FANCL: variants seen among roughly 807,000 people sequenced by gnomAD.
FANCL encodes FA complementation group L.
In FANCL, 69 loss-of-function variants were observed where a neutral mutation model predicts 59.4. That is an observed-to-expected ratio of 1.16 (90% CI 0.96 to 1.42). FANCL has a LOEUF of 1.42. Among genes scored for constraint, FANCL ranks in the 40% most tolerant of loss-of-function variants. The pLI, the probability that FANCL is intolerant of heterozygous loss-of-function variation, is 0.00. For synonymous variants in FANCL, 180 were observed against 147.1 expected (o/e 1.22, Z -1.62); for missense variants, 519 against 447.2 (o/e 1.16, Z -1.45).
intron 9 of FANCL, 57 bp from the exon 10 acceptor site, chr2:58,163,131 G>C: frequency 7.0e-7 from 1 of 1,430,618 alleles, no homozygotes; most frequent in Non-Finnish European, 9.8e-7. Context: ...GGTTTCTAAA[G>C]CCACATTTGA....
intron 5 of FANCL, among the ~76,000 whole-genome samples, chr2:58,205,698 T>A (rs1225943797): frequency 6.6e-6 from 1 of 151,974 alleles, no homozygotes; most frequent in Admixed American, 6.6e-5. Flanking sequence ...TGTAGAGTAG[T>A]TAAAAGAGCA....
At position 58,203,290 on chromosome 2, in the gene FANCL, A is replaced by C. The variant is rs187989722; in HGVS notation, c.471+840T>G. ...TCATCCAGTACAGCTTTAGATATTA[A>C]TTTTCTCTTGTGGAAAGCTTAAATG... is the stretch of plus-strand genomic sequence containing the variant. On this transcript the variant is annotated intron_variant, in intron 6 of 13. Coordinates refer to ENST00000233741, the MANE Select transcript of FANCL (RefSeq NM_018062.4). Among the ~76,000 whole-genome samples the C allele has an allele frequency of 3.3e-5, 5 of 151,970 alleles. No homozygotes were observed. The East Asian group carries it at 9.6e-4, about 29-fold the overall frequency.
At chr2:58,199,092 T>A (rs191457354) in intron 6 of FANCL, among the ~76,000 whole-genome samples, 3 of 150,872 alleles carry the variant, frequency 2.0e-5, no homozygotes, top group Admixed American at 2.0e-4. Flanking sequence ...TAACTGAAAA[T>A]GTATTACATA....
intron 3 of FANCL, among the ~76,000 whole-genome samples, chr2:58,228,163 G>C (rs1046494909): frequency 6.6e-6 from 1 of 151,966 alleles, no homozygotes; most frequent in Non-Finnish European, 1.5e-5. Context: ...AATGGAGACA[G>C]TCATTCATTA....
chr2:58,205,294 T>C (rs1454378102), intron 5 of FANCL, among the ~76,000 whole-genome samples: 2 of 152,098 alleles, frequency 1.3e-5, no homozygotes, highest in South Asian at 4.1e-4. Flanking sequence ...AATCTGAAGA[T>C]ATCTATCTTC....
intron 5 of FANCL, among the ~76,000 whole-genome samples, chr2:58,210,539 C>G (rs1378034793): frequency 2.6e-5 from 4 of 152,144 alleles, no homozygotes; most frequent in Non-Finnish European, 4.4e-5. Flanking sequence ...CATTTCAAAA[C>G]CAATCATGCC....
chr2:58,192,868 C>A (rs1689070320), intron 7 of FANCL, among the ~76,000 whole-genome samples: 1 of 151,784 alleles, frequency 6.6e-6, no homozygotes, highest in Non-Finnish European at 1.5e-5. Context: ...ACAAAAACAA[C>A]AACAACAAAA....
intron 8 of FANCL, among the ~76,000 whole-genome samples, chr2:58,164,609 GTAAA>G (rs1300000176): frequency 6.6e-6 from 1 of 151,888 alleles, no homozygotes; most frequent in East Asian, 1.9e-4. Context: ...AAGCTAAAAG[GTAAA>G]TAGGGAATGA....
At chr2:58,165,949 C>T in intron 7 of FANCL, 75 bp from the exon 8 acceptor site, 2 of 1,471,342 alleles carry the variant, frequency 1.4e-6, no homozygotes, top group Non-Finnish European at 1.9e-6. Context: ...TTAAAATACA[C>T]TCAATTTAGA....
intron 7 of FANCL, among the ~76,000 whole-genome samples, chr2:58,181,272 T>C (rs1687914626): frequency 6.6e-6 from 1 of 151,822 alleles, no homozygotes; most frequent in Non-Finnish European, 1.5e-5. Context: ...TTTCAGAAAA[T>C]GGATGGGTAA....
intron 13 of FANCL, 55 bp downstream of exon 13, chr2:58,160,053 A>G: frequency 6.2e-7 from 1 of 1,607,204 alleles, no homozygotes; most frequent in South Asian, 1.1e-5. Flanking sequence ...ATCTTCTAGA[A>G]CATATTACTG....
intron 5 of FANCL, among the ~76,000 whole-genome samples, chr2:58,211,918 T>C (rs915986894): frequency 2.6e-5 from 4 of 152,174 alleles, no homozygotes; most frequent in African/African-American, 9.7e-5. Context: ...AACTAGTCTC[T>C]AGGAAGTTCC....
chr2:58,241,326 G>C, upstream of FANCL: 1 of 1,613,430 alleles, frequency 6.2e-7, no homozygotes, highest in East Asian at 2.2e-5. Context: ...CTCGAAGTCC[G>C]GAGAAACACA....
At chr2:58,225,383 GTTCT>G (rs1377880269) in intron 4 of FANCL, among the ~76,000 whole-genome samples, 1 of 151,890 alleles carries the variant, frequency 6.6e-6, no homozygotes, top group Non-Finnish European at 1.5e-5. Flanking sequence ...CTGATGAGAA[GTTCT>G]CTACAGAAGA....
intron 5 of FANCL, among the ~76,000 whole-genome samples, chr2:58,207,640 T>C (rs1379186780): frequency 1.3e-5 from 2 of 152,200 alleles, no homozygotes; most frequent in African/African-American, 4.8e-5. Flanking sequence ...ATATAACTAA[T>C]AGAGACTATT....
chr2:58,229,921 A>C (rs1446787930), intron 2 of FANCL, 47 bp from the exon 3 acceptor site: 2 of 1,365,928 alleles, frequency 1.5e-6, no homozygotes, highest in Non-Finnish European at 2.1e-6. Context: ...TTCAGAATTA[A>C]AAACTTATTT....
Position 58,204,226 on chromosome 2 carries a change from T to A in FANCL, c.375A>T (p.Lys125Asn), listed in dbSNP as rs1035793922. Reference protein sequence around the residue: ...IEEIGTLGWDKLVYADTCFST... With the variant: ...IEEIGTLGWDNLVYADTCFST... ...TGAAGCAGGTATCCGCATACACAAGTCTGGTGAGCAGAGGAGAATAAAAAA... is the reference window on the plus strand; with the variant it reads ...TGAAGCAGGTATCCGCATACACAAGACTGGTGAGCAGAGGAGAATAAAAAA... The change falls in exon 6 of 14, where the codon AAA becomes AAT. Residue 125 changes from lysine to asparagine, a missense_variant and splice_region_variant. By Grantham distance (94) the Lys-to-Asn change is moderately conservative (BLOSUM62 0). Coordinates refer to ENST00000233741, the MANE Select transcript of FANCL (RefSeq NM_018062.4). The A allele has an allele frequency of 1.2e-6, 2 of 1,611,690 alleles. No individual in the cohort carries two copies. Among genetic ancestry groups the A allele is most frequent in the East Asian group, 4.5e-5 (2 of 44,846 alleles).
chr2:58,198,242 A>C (rs1162738325), intron 7 of FANCL, among the ~76,000 whole-genome samples: 1 of 152,204 alleles, frequency 6.6e-6, no homozygotes, highest in East Asian at 1.9e-4. Flanking sequence ...ATGACTACCT[A>C]AGTAAAAACA....
chr2:58,188,443 T>C (rs1688620067), intron 7 of FANCL, among the ~76,000 whole-genome samples: 1 of 151,978 alleles, frequency 6.6e-6, no homozygotes, highest in African/African-American at 2.4e-5. Context: ...TTTTTTTGTT[T>C]TTTGGTTTTT....
Sources: gnomAD v4.1 joint callset for allele counts (sites outside exome capture counted in the v4.1 genomes callset) on GRCh38, gnomAD v4.1.1 for gene constraint, MANE v1.5 for transcripts, NCBI Gene and HGNC (gene_info 2026-07-23, HGNC 2026-07-21) for gene names.